MARCHF5: variants seen among roughly 807,000 people sequenced by gnomAD.
MARCHF5 encodes the protein membrane associated ring-CH-type finger 5, also known as E3 ubiquitin-protein ligase MARCHF5.
MARCHF5 carries 5 observed loss-of-function variants against 36.5 expected under a neutral mutation model. That is an observed-to-expected ratio of 0.14 (90% CI 0.07 to 0.29). MARCHF5 has a LOEUF of 0.29. MARCHF5 is among the 10% of genes least tolerant of loss of function. The pLI, the probability that MARCHF5 is intolerant of heterozygous loss-of-function variation, is 1.00. For synonymous variants in MARCHF5, 103 were observed against 109.9 expected (o/e 0.94, Z 0.39); for missense variants, 179 against 336.3 (o/e 0.53, Z 3.66).
chr10:92,313,831 C>T (rs1843175483), intron 2 of MARCHF5, among the ~76,000 whole-genome samples: 1 of 151,966 alleles, frequency 6.6e-6, no homozygotes, highest in Non-Finnish European at 1.5e-5. Context: ...AGGTGGAGGC[C>T]ACAGTGAGCT....
intron 2 of MARCHF5, among the ~76,000 whole-genome samples, chr10:92,334,868 AGTT>A (rs2135208794): frequency 1.3e-5 from 2 of 152,308 alleles, no homozygotes; most frequent in South Asian, 4.1e-4. Flanking sequence ...ATTAGGGTGT[AGTT>A]GTTCTCTTTA....
chr10:92,314,743 C>T (rs1023168475), intron 2 of MARCHF5, among the ~76,000 whole-genome samples: 7 of 95,414 alleles, frequency 7.3e-5, no homozygotes, highest in East Asian at 7.7e-4. Flanking sequence ...CTGCTGCTTC[C>T]CCCCGCCCCC....
chr10:92,339,563 A>C (rs891522903), intron 2 of MARCHF5, among the ~76,000 whole-genome samples: 11 of 151,432 alleles, frequency 7.3e-5, no homozygotes, highest in Admixed American at 6.6e-5. Context: ...CTAGCTACTC[A>C]GGACGCTGAG....
chr10:92,319,496 G>C (rs1843261496), intron 2 of MARCHF5, among the ~76,000 whole-genome samples: 1 of 151,342 alleles, frequency 6.6e-6, no homozygotes, highest in Admixed American at 6.6e-5. Flanking sequence ...GGGTTTCACC[G>C]TGTTAGCCAG....
chr10:92,325,487 A>G (rs921160122), intron 2 of MARCHF5, among the ~76,000 whole-genome samples: 1 of 152,192 alleles, frequency 6.6e-6, no homozygotes, highest in African/African-American at 2.4e-5. Flanking sequence ...AAGTGCACAT[A>G]TTTATAATTG....
chr10:92,306,410 AC>A (rs1843073259), intron 1 of MARCHF5, among the ~76,000 whole-genome samples: 1 of 152,224 alleles, frequency 6.6e-6, no homozygotes, highest in African/African-American at 2.4e-5. Flanking sequence ...TAAACCACAC[AC>A]ACGGCTAATG....
intron 2 of MARCHF5, among the ~76,000 whole-genome samples, chr10:92,322,673 T>C (rs1245805468): frequency 6.6e-6 from 1 of 150,930 alleles, no homozygotes; most frequent in Non-Finnish European, 1.5e-5. Flanking sequence ...GGTCTCATAC[T>C]CCTGAGCTCA....
intron 3 of MARCHF5, among the ~76,000 whole-genome samples, chr10:92,342,044 C>CTCCCAAAGTG (rs1843586425): frequency 6.6e-6 from 1 of 150,458 alleles, no homozygotes; most frequent in Admixed American, 6.6e-5. Flanking sequence ...CCACTTCAGC[C>CTCCCAAAGTG]TCCCAAAGTG....
chr10:92,333,183 A>T (rs1453959326), intron 2 of MARCHF5, among the ~76,000 whole-genome samples: 5 of 148,074 alleles, frequency 3.4e-5, no homozygotes, highest in Admixed American at 3.4e-4. Flanking sequence ...AAAAAAAAAG[A>T]AAAAAAAAAT....
intron 2 of MARCHF5, among the ~76,000 whole-genome samples, chr10:92,320,450 A>G (rs945250281): frequency 1.3e-5 from 2 of 152,076 alleles, no homozygotes; most frequent in Admixed American, 1.3e-4. Context: ...TTTCAGAAGA[A>G]GGCATTATTC....
intron 5 of MARCHF5, 90 bp downstream of exon 5, chr10:92,349,927 G>A (rs919380688): frequency 3.8e-6 from 4 of 1,043,070 alleles, no homozygotes; most frequent in South Asian, 3.1e-5. Flanking sequence ...ATAAATATTC[G>A]GTCTGTGGCT....
intron 3 of MARCHF5, among the ~76,000 whole-genome samples, chr10:92,347,560 A>G (rs1010012686): frequency 1.4e-4 from 20 of 147,358 alleles, no homozygotes; most frequent in East Asian, 6.2e-4. Flanking sequence ...TAGATAGATA[A>G]AGAAATTTCC....
intron 2 of MARCHF5, among the ~76,000 whole-genome samples, chr10:92,339,278 G>A (rs1843545355): frequency 6.6e-6 from 1 of 152,176 alleles, no homozygotes; most frequent in Non-Finnish European, 1.5e-5. Flanking sequence ...GCTGAAGCAG[G>A]AGGATCACTT....
At chr10:92,345,697 C>CTTTTTTTTTTTTT (rs34971275) in intron 3 of MARCHF5, among the ~76,000 whole-genome samples, 8 of 123,624 alleles carry the variant, frequency 6.5e-5, no homozygotes, top group African/African-American at 9.0e-5. Context: ...TTTTTTTTTT[C>CTTTTTTTTTTTTT]TTTTTTTTTT....
At position 92,349,807 on chromosome 10, in the gene MARCHF5, T is replaced by A; in HGVS notation, c.690T>A (p.Ser230Arg). The A allele has an allele frequency of 6.2e-7, 1 of 1,613,414 alleles. No homozygotes were observed. Among genetic ancestry groups the A allele is most frequent in the Non-Finnish European group, 8.5e-7 (1 of 1,179,638 alleles). The change falls in exon 5 of 6, where the codon AGT becomes AGA. Residue 230 changes from serine (S) to arginine (R), a missense_variant. Ser to Arg is a moderately radical substitution (Grantham distance 110). Transcript: ENST00000358935. ...TAGTTGGTAAATTGATGTTCAGTAG[T>A]GTTAACTCTAATTTACAAAGGACAA... ...ATIVGKLMFS[S>R]VNSNLQRTIL...
chr10:92,297,851 T>G (rs1435174858), intron 1 of MARCHF5, among the ~76,000 whole-genome samples: 1 of 152,152 alleles, frequency 6.6e-6, no homozygotes, highest in African/African-American at 2.4e-5. Flanking sequence ...TCTTTATTAT[T>G]TTTCCTGATA....
At chr10:92,334,109 G>A (rs560460601) in intron 2 of MARCHF5, among the ~76,000 whole-genome samples, 49 of 152,202 alleles carry the variant, frequency 3.2e-4, no homozygotes, top group Non-Finnish European at 2.9e-4. Context: ...AGAATCGCTT[G>A]AACCCGGGAG....
chr10:92,332,072 C>CT (rs1055307351), intron 2 of MARCHF5, among the ~76,000 whole-genome samples: 1 of 141,858 alleles, frequency 7.0e-6, no homozygotes, highest in Non-Finnish European at 1.5e-5. Context: ...TTTTTTTTTT[C>CT]TTTTTTTGGT....
At chr10:92,326,904 T>C (rs1399326124) in intron 2 of MARCHF5, among the ~76,000 whole-genome samples, 2 of 152,162 alleles carry the variant, frequency 1.3e-5, no homozygotes, top group Admixed American at 1.3e-4. Context: ...AAAGTCTTTC[T>C]ACTATGTCTG....
Sources: gnomAD v4.1 joint callset for allele counts (sites outside exome capture counted in the v4.1 genomes callset) on GRCh38, gnomAD v4.1.1 for gene constraint, MANE v1.5 for transcripts, NCBI Gene and HGNC (gene_info 2026-07-23, HGNC 2026-07-21) for gene names.